Variants in PTPRN2 observed in about 807,000 individuals in gnomAD.
PTPRN2 encodes protein tyrosine phosphatase receptor type N2.
PTPRN2 carries 74 observed loss-of-function variants against 118.8 expected under a neutral mutation model. The ratio of observed to expected loss-of-function variants is 0.62; its 90% CI spans 0.52 to 0.76. The LOEUF is 0.76. PTPRN2 is among the 30% of genes least tolerant of loss of function. PTPRN2 has a pLI of 0.00. For missense variants in PTPRN2, 1,481 were observed against 1,394.4 expected (o/e 1.06, Z -0.99); for synonymous variants, 641 against 608.0 (o/e 1.05, Z -0.80).
rs140958044 is a variant in PTPRN2 at position 157,629,640 on chromosome 7, C to G, written c.2197-8131G>C. ...CGGATATGGGACGAGTGGAAACTGTCCTGGTGAAACTTCGTTCCTACAACG... is the reference window on the plus strand; with the variant it reads ...CGGATATGGGACGAGTGGAAACTGTGCTGGTGAAACTTCGTTCCTACAACG... On this transcript the variant is annotated intron_variant, in intron 14 of 22. Transcript: ENST00000389418. This position sits in a 1 kb window ranked among gnomAD's most constrained non-coding sequence, Gnocchi z 4.4. Among the ~76,000 whole-genome samples the G allele has an allele frequency of 3.2e-3, 491 of 152,266 alleles. 4 individuals are homozygous for G. The highest frequency in any genetic ancestry group is 0.011 in the African/African-American group (475 of 41,544).
At chr7:158,292,179 G>A (rs542796533) in intron 3 of PTPRN2, among the ~76,000 whole-genome samples, 18 of 152,154 alleles carry the variant, frequency 1.2e-4, no homozygotes, top group Non-Finnish European at 2.1e-4. Context: ...TTCCAGTTCC[G>A]ATAGGTCTCA....
At chr7:157,749,674 G>T (rs1801322714) in intron 12 of PTPRN2, among the ~76,000 whole-genome samples, 1 of 141,794 alleles carries the variant, frequency 7.1e-6, no homozygotes, top group Non-Finnish European at 1.5e-5. Flanking sequence ...CTGCGTCCCT[G>T]AGCTGCGGGG....
rs566938310 is a variant in PTPRN2, at chr7:157,766,818, G to A, written c.1789-83881C>T. On this transcript the variant is annotated intron_variant, in intron 12 of 22. Coordinates refer to ENST00000389418, the MANE Select transcript of PTPRN2 (RefSeq NM_002847.5). ...ACTTTGCAGGTGGCTCTCGAAACACGTCCCCTTGGCTACCTCCGTTGGGGC... is the reference window on the plus strand; with the variant it reads ...ACTTTGCAGGTGGCTCTCGAAACACATCCCCTTGGCTACCTCCGTTGGGGC... Among the ~76,000 whole-genome samples, 257 of 152,310 alleles carry A rather than the reference G, an allele frequency of 1.7e-3. 1 individual carries two copies. Among genetic ancestry groups the A allele is most frequent in the Non-Finnish European group, 2.2e-3 (153 of 68,016 alleles).
At chr7:158,063,102 CTG>C (rs761920759) in intron 11 of PTPRN2, among the ~76,000 whole-genome samples, 2 of 152,222 alleles carry the variant, frequency 1.3e-5, no homozygotes, top group Non-Finnish European at 2.9e-5. Flanking sequence ...AATCAGCACT[CTG>C]TGTCTAGCTA....
chr7:158,138,304 G>T lies in PTPRN2; in HGVS notation c.1122C>A (p.Asp374Glu). Reference protein sequence around the residue: ...ADGPKATLRGDSFPDDGVQDD... With the variant: ...ADGPKATLRGESFPDDGVQDD... ...TGGCGCTGCAGTCACCTGGAAAGCT[G>T]TCTCCACGGAGGGTGGCCTTGGGGC... Residue 374 changes from aspartate (D) to glutamate (E), a missense_variant, in exon 7 of 23, where the codon GAC becomes GAA. Asp to Glu is a conservative substitution (Grantham distance 45). Transcript: ENST00000389418. 6.2e-7 allele frequency: 1 copy of T among 1,612,956 alleles called. No homozygotes were observed. The highest frequency in any genetic ancestry group is 8.5e-7 in the Non-Finnish European group (1 of 1,179,986).
At chr7:157,948,580 T>G (rs1800621942) in intron 11 of PTPRN2, among the ~76,000 whole-genome samples, 1 of 152,194 alleles carries the variant, frequency 6.6e-6, no homozygotes, top group African/African-American at 2.4e-5. Context: ...AGCAGCAAAG[T>G]GGCAGAAGTA....
rs570068550 is a variant in PTPRN2, at chr7:158,369,195, C to T, written c.164-52263G>A. 2.6e-5 allele frequency among the ~76,000 whole-genome samples: 4 copies of T among 151,234 alleles called. No individual in the cohort carries two copies. In the South Asian group the frequency reaches 8.4e-4, roughly 32 times the overall value. On this transcript the variant is annotated intron_variant, in intron 2 of 22. Coordinates refer to ENST00000389418, the MANE Select transcript of PTPRN2 (RefSeq NM_002847.5). ...GACCTGGACTGGCTCTCCTTGCAGA[C>T]AGCCTATTGTGGGACCTTGTGATCA... is the stretch of plus-strand genomic sequence containing the variant.
At chr7:158,483,864 G>A (rs183401062) in intron 2 of PTPRN2, among the ~76,000 whole-genome samples, 6 of 152,116 alleles carry the variant, frequency 3.9e-5, no homozygotes, top group Admixed American at 6.5e-5. Flanking sequence ...TTGGCCGGGC[G>A]CAATGGCTCA....
rs1000222363 is a variant in PTPRN2, at chr7:157,609,755, G to A, written c.2345-5680C>T. Among the ~76,000 whole-genome samples, 5 of 152,210 alleles carry A rather than the reference G, an allele frequency of 3.3e-5. No homozygotes were observed. The highest frequency in any genetic ancestry group is 7.2e-5 in the African/African-American group (3 of 41,460). On this transcript the variant is annotated intron_variant, in intron 15 of 22. Transcript: ENST00000389418. The surrounding 1 kb of genome is among the most constrained non-coding windows in gnomAD (Gnocchi z 4.9). ...CAATGAGGAGCAAGGCTGAGATGAC[G>A]GTGGACACGCACCCAACTGCGCAGG... is the stretch of plus-strand genomic sequence containing the variant.
intron 22 of PTPRN2, among the ~76,000 whole-genome samples, chr7:157,545,164 G>A (rs891541584): frequency 6.8e-6 from 1 of 147,994 alleles, no homozygotes; most frequent in Non-Finnish European, 1.5e-5. Context: ...TGTGTGCAGT[G>A]TGTGGCTGAG....
rs546813475 is a variant in PTPRN2 at position 158,283,472 on chromosome 7, G to A, written c.277+33347C>T. Among the ~76,000 whole-genome samples, 7 of 152,324 alleles carry A rather than the reference G, an allele frequency of 4.6e-5. 1 individual carries two copies. In the South Asian group the frequency reaches 1.5e-3, roughly 32 times the overall value. ...GTAACCAGGCTTCTCAGTAGAACCA[G>A]GGGCTTGCCGCAGGGACGGGAGCTC... On this transcript the variant is annotated intron_variant, in intron 3 of 22. Coordinates refer to ENST00000389418, the MANE Select transcript of PTPRN2 (RefSeq NM_002847.5).
chr7:157,909,462 A>G lies in PTPRN2; in HGVS notation c.1724-10725T>C, dbSNP rs28609141. On this transcript the variant is annotated intron_variant, in intron 11 of 22. Transcript: ENST00000389418. Reference sequence around the variant, plus strand: ...AGCCCTGCGCTGGCGCATCTCACCCACAGTGAGGTCTACAGTCCAGGCCAC... The same window carrying G: ...AGCCCTGCGCTGGCGCATCTCACCCGCAGTGAGGTCTACAGTCCAGGCCAC... Among the ~76,000 whole-genome samples the G allele has an allele frequency of 4.3e-3, 651 of 152,354 alleles. 4 individuals carry two copies. Among genetic ancestry groups the G allele is most frequent in the African/African-American group, 0.015 (617 of 41,588 alleles).
At chr7:157,558,542 G>C (rs1348961691) in intron 21 of PTPRN2, among the ~76,000 whole-genome samples, 1 of 152,254 alleles carries the variant, frequency 6.6e-6, no homozygotes, top group Non-Finnish European at 1.5e-5. Context: ...AGGTGGAGGA[G>C]AACAGGAGCT....
Position 158,093,638 on chromosome 7 carries a change from T to C in PTPRN2, c.1644-12261A>G, listed in dbSNP as rs1814394332. ...ATGCCTCATTCCAGCTATGTCTTCTTACAGAGGAGACATCGGGAACATAAA... is the reference window on the plus strand; with the variant it reads ...ATGCCTCATTCCAGCTATGTCTTCTCACAGAGGAGACATCGGGAACATAAA... On this transcript the variant is annotated intron_variant, in intron 10 of 22. Transcript: ENST00000389418. The surrounding 1 kb of genome is among the most constrained non-coding windows in gnomAD (Gnocchi z 4.4). Among the ~76,000 whole-genome samples the C allele has an allele frequency of 6.6e-6, 1 of 152,198 alleles. No individual in the cohort carries two copies.
At chr7:158,412,076 C>A (rs1256208048) in intron 2 of PTPRN2, among the ~76,000 whole-genome samples, 1 of 141,694 alleles carries the variant, frequency 7.1e-6, no homozygotes, top group African/African-American at 2.7e-5. Flanking sequence ...CCATCCAGCA[C>A]CCTCCTTAGC....
At chr7:158,489,378 C>T (rs1361904113) in intron 2 of PTPRN2, among the ~76,000 whole-genome samples, 1 of 152,070 alleles carries the variant, frequency 6.6e-6, no homozygotes, top group Non-Finnish European at 1.5e-5. Context: ...GCCCAGGAGG[C>T]GAAGGTTGCA....
chr7:158,386,720 C>T (rs577364114), intron 2 of PTPRN2, among the ~76,000 whole-genome samples: 15 of 152,304 alleles, frequency 9.8e-5, no homozygotes, highest in South Asian at 2.1e-4. Flanking sequence ...AACCTACCAG[C>T]GATCAAGTTC....
At chr7:158,340,135 C>T (rs1472504217) in intron 2 of PTPRN2, among the ~76,000 whole-genome samples, 1 of 80,768 alleles carries the variant, frequency 1.2e-5, no homozygotes, top group Non-Finnish European at 2.7e-5. Context: ...CACCTGGAGA[C>T]GTCACTCACA....
At chr7:158,446,039 G>C (rs149493517) in intron 2 of PTPRN2, among the ~76,000 whole-genome samples, 1 of 152,112 alleles carries the variant, frequency 6.6e-6, no homozygotes, top group Non-Finnish European at 1.5e-5. Flanking sequence ...CTCAGGACAC[G>C]TGAGAACCCA....
Sources: allele counts gnomAD v4.1 joint callset (sites outside exome capture counted in the v4.1 genomes callset), GRCh38; gene constraint gnomAD v4.1.1; non-coding constraint Gnocchi (gnomAD v3.1); transcripts MANE v1.5; gene names NCBI Gene and HGNC (gene_info 2026-07-23, HGNC 2026-07-21).